Variants in RNF169 observed in about 807,000 individuals in gnomAD.
RNF169 encodes E3 ubiquitin-protein ligase RNF169.
Under a neutral mutation model 53.9 loss-of-function variants are expected in RNF169, and 24 were observed. That is an observed-to-expected ratio of 0.45 (90% confidence interval 0.32 to 0.63). The LOEUF is 0.63. Among genes scored for constraint, RNF169 ranks in the 20% least tolerant of loss-of-function variants. The pLI is 0.04. For synonymous variants in RNF169, 396 were observed against 363.5 expected, an observed-to-expected ratio of 1.09 and a Z score of -1.02; for missense variants, 883 against 906.2, an observed-to-expected ratio of 0.97 and a Z score of 0.33.
rs368339316 is a variant in RNF169, at chr11:74,783,045, A to G, written c.503-6581A>G. On this transcript the variant is annotated intron_variant, in intron 1 of 5. Transcript: ENST00000299563. The stretch of plus-strand genomic sequence containing the variant: ...CTGCACTCATAGAAAATGAATGTAC[A>G]GGGGTAAAAACTCACGCATACTCAG... 3.9e-4 allele frequency among the ~76,000 whole-genome samples: 60 copies of G among 151,992 alleles called. No individual in the cohort carries two copies. In the East Asian group the frequency reaches 0.011, roughly 28 times the overall value.
At chr11:74,766,397 G>A in intron 1 of RNF169, among the ~76,000 whole-genome samples, 1 of 152,182 alleles carries the variant, frequency 6.6e-6, no homozygotes, top group East Asian at 1.9e-4. Flanking sequence ...CAGTTTAAGT[G>A]TATGAACTTA....
intron 1 of RNF169, among the ~76,000 whole-genome samples, chr11:74,764,557 C>T (rs917137698): frequency 5.3e-5 from 8 of 152,108 alleles, no homozygotes; most frequent in African/African-American, 1.7e-4. Flanking sequence ...AAAATATTTT[C>T]AGACAGGAAA....
At chr11:74,821,693 G>T (rs1472899394) in intron 4 of RNF169, among the ~76,000 whole-genome samples, 1 of 150,714 alleles carries the variant, frequency 6.6e-6, no homozygotes, top group African/African-American at 2.4e-5. Flanking sequence ...GAATACAAGT[G>T]CGGGTCCAGA....
intron 1 of RNF169, among the ~76,000 whole-genome samples, chr11:74,775,682 C>T (rs1204669676): frequency 6.6e-6 from 1 of 152,172 alleles, no homozygotes; most frequent in Non-Finnish European, 1.5e-5. Flanking sequence ...TATACTCATC[C>T]TTCAAGACCC....
intron 1 of RNF169, among the ~76,000 whole-genome samples, chr11:74,768,081 A>G (rs1433036689): frequency 2.0e-5 from 3 of 152,204 alleles, no homozygotes; most frequent in Non-Finnish European, 2.9e-5. Context: ...TGCTTTCTCA[A>G]ATATCAAGCT....
intron 2 of RNF169, among the ~76,000 whole-genome samples, chr11:74,808,433 C>T (rs1250785428): frequency 1.3e-5 from 2 of 152,146 alleles, no homozygotes; most frequent in Admixed American, 1.3e-4. Context: ...TCCACTTCCC[C>T]AGTTGTGACA....
chr11:74,820,207 A>G (rs777152290), intron 4 of RNF169, among the ~76,000 whole-genome samples: 3 of 152,230 alleles, frequency 2.0e-5, no homozygotes, highest in Admixed American at 6.5e-5. Context: ...GATTGAGGAA[A>G]AGAAGCAGAT....
chr11:74,779,489 G>A (rs1253215573), intron 1 of RNF169, among the ~76,000 whole-genome samples: 1 of 152,082 alleles, frequency 6.6e-6, no homozygotes, highest in Non-Finnish European at 1.5e-5. Context: ...TAGGCAAGGG[G>A]GTAGGTGAAA....
intron 2 of RNF169, among the ~76,000 whole-genome samples, chr11:74,807,541 A>G (rs1007660719): frequency 6.6e-6 from 1 of 152,198 alleles, no homozygotes; most frequent in Non-Finnish European, 1.5e-5. Context: ...AGAAACTGGT[A>G]TCTGAAGTCA....
chr11:74,749,272 A>T lies in RNF169; in HGVS notation c.392A>T (p.Glu131Val). 1 of 1,139,986 alleles carries T rather than the reference A, an allele frequency of 8.8e-7. No individual in the cohort carries two copies. Among genetic ancestry groups the T allele is most frequent in the Non-Finnish European group, 1.1e-6 (1 of 930,274 alleles). 70.6% of individuals were successfully genotyped at this position (1,139,986 alleles called of 1,614,324 possible). ...DGQADSEVLG[E>V]CARRSQPERC... ...CAGGCCGACTCAGAGGTGCTGGGCGAGTGCGCCCGCCGCAGCCAACCCGAG... is the reference window on the plus strand; with the variant it reads ...CAGGCCGACTCAGAGGTGCTGGGCGTGTGCGCCCGCCGCAGCCAACCCGAG... The change falls in exon 1 of 6, where the codon GAG becomes GTG. Residue 131 changes from glutamate to valine, a missense_variant. Transcript: ENST00000299563.
At chr11:74,824,377 A>T (rs1463515885) in intron 4 of RNF169, among the ~76,000 whole-genome samples, 2 of 152,234 alleles carry the variant, frequency 1.3e-5, no homozygotes, top group Non-Finnish European at 2.9e-5. Flanking sequence ...AATCTGTGAA[A>T]CACCATTAAG....
rs770531821 is a variant in RNF169, at chr11:74,835,696, C to T, written c.1093C>T (p.Arg365Cys). 4.3e-6 allele frequency: 7 copies of T among 1,614,154 alleles called. No individual in the cohort carries two copies. In the East Asian group the frequency reaches 1.3e-4, roughly 31 times the overall value. Residue 365 changes from arginine (R) to cysteine (C), a missense_variant, in exon 6 of 6, where the codon CGT becomes TGT. This residue lies in a region of RNF169 where 219 missense variants were observed against 289.1 expected (regional missense o/e 0.76). Transcript: ENST00000299563. The stretch of plus-strand genomic sequence containing the variant: ...CTTGGCTTCCCTGCATAAGCCAGAG[C>T]GTTCTGTCAGCCCTGAGAGCAATGA... ...SSLASLHKPE[R>C]SVSPESNDSI...
intron 1 of RNF169, among the ~76,000 whole-genome samples, chr11:74,768,611 A>G (rs2035211233): frequency 6.6e-6 from 1 of 152,190 alleles, no homozygotes; most frequent in Non-Finnish European, 1.5e-5. Context: ...TGTCTTAAAA[A>G]AAAAAAAAAA....
At position 74,837,328 on chromosome 11, in the gene RNF169, T is replaced by A. The variant is rs1054926178; in HGVS notation, c.*598T>A. 6.6e-6 allele frequency: 1 copy of A among 152,210 alleles called. No homozygotes were observed. The highest frequency in any genetic ancestry group is 2.1e-4 in the South Asian group (1 of 4,828). The allele number at this position is 152,210 out of a possible 1,614,324, so 9.4% of individuals were successfully genotyped here. A position where few individuals can be genotyped will look rare whatever the true frequency, so the allele number is the denominator to read the frequency against. ...TGACAGAGCACATTTACAGACCTTATTAATTTAGTCTTTCCAAGAGACCTC... is the reference window on the plus strand; with the variant it reads ...TGACAGAGCACATTTACAGACCTTAATAATTTAGTCTTTCCAAGAGACCTC... On this transcript the variant is annotated 3_prime_UTR_variant, in exon 6 of 6. Transcript: ENST00000299563.
intron 1 of RNF169, among the ~76,000 whole-genome samples, chr11:74,762,073 C>T (rs2035093411): frequency 1.4e-5 from 2 of 143,792 alleles, no homozygotes; most frequent in African/African-American, 5.4e-5. Context: ...ATCGCTGATA[C>T]CCTTTCTTCC....
At chr11:74,787,957 T>G (rs1025287923) in intron 1 of RNF169, among the ~76,000 whole-genome samples, 1 of 152,230 alleles carries the variant, frequency 6.6e-6, no homozygotes, top group Non-Finnish European at 1.5e-5. Flanking sequence ...TTTTTTTTCT[T>G]AATCAGTTTT....
chr11:74,791,674 G>A (rs2035581737), intron 2 of RNF169, among the ~76,000 whole-genome samples: 2 of 152,224 alleles, frequency 1.3e-5, no homozygotes, highest in African/African-American at 2.4e-5. Flanking sequence ...TGCTGGGAGT[G>A]GGAAGAGGCC....
At chr11:74,749,849 G>C (rs1258128974) in intron 1 of RNF169, among the ~76,000 whole-genome samples, 1 of 152,080 alleles carries the variant, frequency 6.6e-6, no homozygotes, top group Admixed American at 6.5e-5. Context: ...TGTGAAGGGA[G>C]CTTTTCAGAC....
intron 1 of RNF169, among the ~76,000 whole-genome samples, chr11:74,785,900 T>C (rs2035493349): frequency 6.6e-6 from 1 of 152,122 alleles, no homozygotes; most frequent in African/African-American, 2.4e-5. Context: ...TCATGTAATA[T>C]ATGTATCAAA....
Sources: allele counts gnomAD v4.1 joint callset (sites outside exome capture counted in the v4.1 genomes callset), GRCh38; gene constraint gnomAD v4.1.1; regional missense constraint gnomAD v4.1.1; transcripts MANE v1.5; gene names NCBI Gene and HGNC (gene_info 2026-07-23, HGNC 2026-07-21).